Variants in GPR63 observed in about 807,000 individuals in gnomAD.
GPR63 encodes G protein-coupled receptor 63, also known as probable G protein-coupled receptor 63.
Under a neutral mutation model 23.1 loss-of-function variants are expected in GPR63, and 12 were observed. The observed-to-expected ratio is 0.52, with a 90% CI of 0.33 to 0.84. The LOEUF is 0.84. Among genes scored for constraint, GPR63 ranks in the 40% least tolerant of loss-of-function variants. The pLI, the probability that GPR63 is intolerant of heterozygous loss-of-function variation, is 0.02. For missense variants in GPR63, 472 were observed against 515.6 expected, an observed-to-expected ratio of 0.92 and a Z score of 0.82; for synonymous variants, 172 against 191.1, an observed-to-expected ratio of 0.90 and a Z score of 0.82.
At chr6:96,822,738 C>T (rs1774344362) in intron 1 of GPR63, among the ~76,000 whole-genome samples, 1 of 152,160 alleles carries the variant, frequency 6.6e-6, no homozygotes, top group South Asian at 2.1e-4. Context: ...TCTTATGTAA[C>T]TTACAAGTTT....
At chr6:96,810,480 G>A (rs1161440578) in intron 1 of GPR63, among the ~76,000 whole-genome samples, 2 of 147,950 alleles carry the variant, frequency 1.4e-5, no homozygotes, top group East Asian at 2.0e-4. Context: ...AGGCGACAGT[G>A]CGAGACTCCG....
At chr6:96,802,397 G>A (rs1402916995) in intron 1 of GPR63, among the ~76,000 whole-genome samples, 2 of 151,944 alleles carry the variant, frequency 1.3e-5, no homozygotes, top group Non-Finnish European at 2.9e-5. Flanking sequence ...TAAATTTCTC[G>A]TAAAAAATGA....
intron 1 of GPR63, among the ~76,000 whole-genome samples, chr6:96,833,618 C>T (rs1209188964): frequency 6.6e-6 from 1 of 152,074 alleles, no homozygotes; most frequent in South Asian, 2.1e-4. Flanking sequence ...TTTTCAAATG[C>T]TTTAATAACA....
Position 96,799,218 on chromosome 6 carries a change from G to A in GPR63, c.514C>T (p.Leu172=), listed in dbSNP as rs747368452. 2.5e-6 allele frequency: 4 copies of A among 1,614,134 alleles called. No individual in the cohort carries two copies. The Admixed American group carries it at 6.7e-5, about 27-fold the overall frequency. Residue 172 remains leucine (L), a synonymous_variant, in exon 2 of 2, where the codon CTG becomes TTG. Coordinates refer to ENST00000229955, the MANE Select transcript of GPR63 (RefSeq NM_030784.4). ...WLFVIEGVAI[L]LIISIDRFLI... The stretch of plus-strand genomic sequence containing the variant: ...AACCTATCTATGCTAATGATGAGCA[G>A]GATGGCTACTCCTTCTATCACAAAT...
chr6:96,814,521 T>C (rs1774115801), intron 1 of GPR63, among the ~76,000 whole-genome samples: 1 of 152,134 alleles, frequency 6.6e-6, no homozygotes, highest in Non-Finnish European at 1.5e-5. Flanking sequence ...CAGAGGGCAA[T>C]GTGCTGCCAA....
intron 1 of GPR63, among the ~76,000 whole-genome samples, chr6:96,807,215 C>G (rs1286392511): frequency 6.6e-6 from 1 of 152,240 alleles, no homozygotes; most frequent in East Asian, 1.9e-4. Context: ...ACCTCTCTCT[C>G]TAGTCACTCC....
intron 1 of GPR63, among the ~76,000 whole-genome samples, chr6:96,832,978 CA>C (rs1384859926): frequency 6.6e-6 from 1 of 151,994 alleles, no homozygotes; most frequent in East Asian, 1.9e-4. Context: ...ATGAATAATG[CA>C]AAAGAAGGAA....
chr6:96,799,037 C>T lies in GPR63; in HGVS notation c.695G>A (p.Gly232Glu), dbSNP rs760932571. ...CTGGTAGCCTGGATTGGTTGTGTAC[C>T]CAAACACACACTGGGGAGCTCGGGA... The part of the protein sequence containing the change: ...IPSRAPQCVF[G>E]YTTNPGYQAY... The change falls in exon 2 of 2, where the codon GGG becomes GAG. Residue 232 changes from glycine to glutamate, a missense_variant. Gly to Glu is a moderately conservative substitution (Grantham distance 98). Coordinates refer to ENST00000229955, the MANE Select transcript of GPR63 (RefSeq NM_030784.4). 7 of 1,613,884 alleles carry T rather than the reference C, an allele frequency of 4.3e-6. No homozygotes were observed. Among genetic ancestry groups the T allele is most frequent in the Admixed American group, 3.3e-5 (2 of 59,968 alleles).
At chr6:96,817,340 G>C (rs1372589937) in intron 1 of GPR63, among the ~76,000 whole-genome samples, 1 of 151,904 alleles carries the variant, frequency 6.6e-6, no homozygotes, top group Non-Finnish European at 1.5e-5. Flanking sequence ...AATGACTAAA[G>C]TTGAAAATAT....
intron 1 of GPR63, among the ~76,000 whole-genome samples, chr6:96,819,907 C>T (rs779457209): frequency 6.4e-5 from 9 of 139,722 alleles, no homozygotes; most frequent in Non-Finnish European, 1.1e-4. Flanking sequence ...ACCCGGGAGG[C>T]GGAGCTTGCA....
In GPR63 at chr6:96,798,337, A is replaced by G; in HGVS notation, c.*135T>C. The G allele has an allele frequency of 1.2e-6, 1 of 810,646 alleles. No individual in the cohort carries two copies. The highest frequency in any genetic ancestry group is 1.9e-6 in the Non-Finnish European group (1 of 526,522). 50.2% of individuals were successfully genotyped at this position (810,646 alleles called of 1,614,324 possible). A position where few individuals can be genotyped will look rare whatever the true frequency, so the allele number is the denominator to read the frequency against. ...TCTTGGTAACAGAACTATAATTACCATTCTTTCTTTACACTGCTCACACAC... is the reference window on the plus strand; with the variant it reads ...TCTTGGTAACAGAACTATAATTACCGTTCTTTCTTTACACTGCTCACACAC... On this transcript the variant is annotated 3_prime_UTR_variant, in exon 2 of 2. Coordinates refer to ENST00000229955, the MANE Select transcript of GPR63 (RefSeq NM_030784.4).
At position 96,799,765 on chromosome 6, in the gene GPR63, G is replaced by A; in HGVS notation, c.-34C>T. On this transcript the variant is annotated 5_prime_UTR_variant, in exon 2 of 2. Coordinates refer to ENST00000229955, the MANE Select transcript of GPR63 (RefSeq NM_030784.4). The stretch of plus-strand genomic sequence containing the variant: ...TAGGATGGAAGATGCAAGCAGAGAT[G>A]CAGGAGTTCTTCAAGCATTTCAACA... 6.2e-7 allele frequency: 1 copy of A among 1,610,114 alleles called. No homozygotes were observed. The highest frequency in any genetic ancestry group is 8.5e-7 in the Non-Finnish European group (1 of 1,176,364).
In GPR63 at chr6:96,797,958, C is replaced by G. The variant is rs561700512; in HGVS notation, c.*514G>C. ...TTGTACATTATCTCTTAAAGTGCAC[C>G]AAAGTAAATAGTAATGACCCTTAAA... On this transcript the variant is annotated 3_prime_UTR_variant, in exon 2 of 2. Transcript: ENST00000229955. 6.5e-6 allele frequency: 1 copy of G among 152,826 alleles called. No individual in the cohort carries two copies. The highest frequency in any genetic ancestry group is 6.5e-5 in the Admixed American group (1 of 15,388). 9.5% of individuals were successfully genotyped at this position (152,826 alleles called of 1,614,324 possible). A position where few individuals can be genotyped will look rare whatever the true frequency, so the allele number is the denominator to read the frequency against.
At chr6:96,815,597 C>T (rs916526356) in intron 1 of GPR63, among the ~76,000 whole-genome samples, 1 of 152,084 alleles carries the variant, frequency 6.6e-6, no homozygotes, top group African/African-American at 2.4e-5. Flanking sequence ...CACACACATA[C>T]AAAACAACAT....
At chr6:96,829,446 A>C (rs1723669953) in intron 1 of GPR63, among the ~76,000 whole-genome samples, 1 of 152,280 alleles carries the variant, frequency 6.6e-6, no homozygotes, top group East Asian at 1.9e-4. Context: ...GAATCCCCAC[A>C]CTTTGAGAAG....
In GPR63 at chr6:96,794,165, T is replaced by C. The variant is rs1358202428; in HGVS notation, c.*4307A>G. On this transcript the variant is annotated 3_prime_UTR_variant, in exon 2 of 2. Transcript: ENST00000229955. ...TATTTATTTTCTTATCAGGAGTTCT[T>C]TTCTTGGTTGTAATAAGAATATGCA... 1.3e-5 allele frequency: 2 copies of C among 152,120 alleles called. No individual in the cohort carries two copies. The highest frequency in any genetic ancestry group is 2.9e-5 in the Non-Finnish European group (2 of 67,988). The allele number at this position is 152,120 out of a possible 1,614,324, so 9.4% of individuals were successfully genotyped here.
At chr6:96,836,299 A>C (rs986799990) in intron 1 of GPR63, among the ~76,000 whole-genome samples, 11 of 152,232 alleles carry the variant, frequency 7.2e-5, no homozygotes, top group African/African-American at 2.2e-4. Flanking sequence ...AAGCAGTATC[A>C]GCTTATGCAA....
In GPR63 at chr6:96,794,533, T is replaced by C. The variant is rs1000129843; in HGVS notation, c.*3939A>G. ...CTGTGATATATACAGAAATGATACA[T>C]ATGTAAATATTTTCACATAAACAAA... On this transcript the variant is annotated 3_prime_UTR_variant, in exon 2 of 2. Transcript: ENST00000229955. 4 of 152,186 alleles carry C rather than the reference T, an allele frequency of 2.6e-5. No individual in the cohort carries two copies. The highest frequency in any genetic ancestry group is 5.9e-5 in the Non-Finnish European group (4 of 68,028). 9.4% of individuals were successfully genotyped at this position (152,186 alleles called of 1,614,324 possible).
intron 1 of GPR63, among the ~76,000 whole-genome samples, chr6:96,803,811 G>C (rs1178860469): frequency 6.6e-6 from 1 of 152,196 alleles, no homozygotes; most frequent in East Asian, 1.9e-4. Flanking sequence ...AACAGCATGA[G>C]AGCAACAGAC....
Sources: gnomAD v4.1 joint callset for allele counts (sites outside exome capture counted in the v4.1 genomes callset) on GRCh38, gnomAD v4.1.1 for gene constraint, MANE v1.5 for transcripts, NCBI Gene and HGNC (gene_info 2026-07-23, HGNC 2026-07-21) for gene names.